The following TNPO1 variants were observed in gnomAD, a reference collection of about 807,000 sequenced individuals.
TNPO1 encodes the protein transportin-1.
TNPO1 carries 8 observed loss-of-function variants against 119.5 expected under a neutral mutation model. That is an observed-to-expected ratio of 0.07 (90% confidence interval 0.04 to 0.12). The LOEUF is 0.12. TNPO1 is among the 10% of genes least tolerant of loss of function. The pLI, the probability that TNPO1 is intolerant of heterozygous loss-of-function variation, is 1.00. For missense variants in TNPO1, 576 were observed against 1,089.8 expected (o/e 0.53, Z 6.64); for synonymous variants, 362 against 363.0 (o/e 1.00, Z 0.03).
chr5:72,909,015 C>A lies in TNPO1; in HGVS notation c.*342C>A. 2.8e-6 allele frequency: 1 copy of A among 355,232 alleles called. No individual in the cohort carries two copies. The highest frequency in any genetic ancestry group is 5.7e-6 in the Non-Finnish European group (1 of 176,376). 22.0% of individuals were successfully genotyped at this position (355,232 alleles called of 1,614,324 possible). On this transcript the variant is annotated 3_prime_UTR_variant, in exon 25 of 25. Coordinates refer to ENST00000337273, the MANE Select transcript of TNPO1 (RefSeq NM_002270.4). ...TGTGGAATATTATGGGGAATTGTAC[C>A]AAAACAAGAACCATATAAATGATGC...
Position 72,877,220 on chromosome 5 carries a change from G to GT in TNPO1, c.802-5dup. On this transcript the variant is annotated splice_polypyrimidine_tract_variant and splice_region_variant and intron_variant, in intron 8 of 24. Coordinates refer to ENST00000337273, the MANE Select transcript of TNPO1 (RefSeq NM_002270.4). The stretch of plus-strand genomic sequence containing the variant: ...AACTGACTAATATTAAGGATATTGT[G>GT]TTTCCAGTACATGCTACAGAGGACT... 6.6e-7 allele frequency: 1 copy of GT among 1,514,126 alleles called. No individual in the cohort carries two copies. The highest frequency in any genetic ancestry group is 9.1e-7 in the Non-Finnish European group (1 of 1,093,434). The allele number at this position is 1,514,126 out of a possible 1,614,324, so 93.8% of individuals were successfully genotyped here. A position where few individuals can be genotyped will look rare whatever the true frequency, so the allele number is the denominator to read the frequency against.
chr5:72,903,912 A>T lies in TNPO1; in HGVS notation c.2589+129A>T, dbSNP rs2287938. On this transcript the variant is annotated intron_variant, in intron 23 of 24. Coordinates refer to ENST00000337273, the MANE Select transcript of TNPO1 (RefSeq NM_002270.4). ...TCAGTATTGATAGTTTACATATATA[A>T]CCTTTATTCTTGGTAACAAAGTTGG... 5.5e-4 allele frequency: 311 copies of T among 562,472 alleles called. 2 individuals are homozygous for T. In the East Asian group the frequency reaches 6.7e-3, roughly 12 times the overall value. The allele number at this position is 562,472 out of a possible 1,614,324, so 34.8% of individuals were successfully genotyped here.
chr5:72,901,487 A>G (rs1448537138), intron 22 of TNPO1, among the ~76,000 whole-genome samples: 2 of 152,218 alleles, frequency 1.3e-5, no homozygotes, highest in Non-Finnish European at 2.9e-5. Context: ...CAGATTTAGA[A>G]ATAATGAATA....
intron 23 of TNPO1, among the ~76,000 whole-genome samples, chr5:72,904,329 A>C (rs191964760): frequency 6.6e-6 from 1 of 152,334 alleles, no homozygotes; most frequent in Non-Finnish European, 1.5e-5. Flanking sequence ...TATTGCTTGG[A>C]TGACTTCTCT....
In TNPO1 at chr5:72,912,581, A is replaced by G. The variant is rs1192015882; in HGVS notation, c.*3908A>G. ...TCCATTTAGTCTGATTTTTTTCCTA[A>G]TATTCTAGCAGGCTGGGGTGGTATA... On this transcript the variant is annotated 3_prime_UTR_variant, in exon 25 of 25. Transcript: ENST00000337273. 6.6e-6 allele frequency: 1 copy of G among 152,308 alleles called. No homozygotes were observed. The highest frequency in any genetic ancestry group is 1.5e-5 in the Non-Finnish European group (1 of 67,878). The allele number at this position is 152,308 out of a possible 1,614,324, so 9.4% of individuals were successfully genotyped here.
At chr5:72,883,039 A>G in intron 10 of TNPO1, 25 bp from the exon 11 acceptor site, 1 of 1,592,826 alleles carries the variant, frequency 6.3e-7, no homozygotes, top group Non-Finnish European at 8.6e-7. Context: ...AATGCCACCA[A>G]AAATTTCTCT....
At chr5:72,886,304 G>C (rs898372228) in intron 11 of TNPO1, among the ~76,000 whole-genome samples, 1 of 152,118 alleles carries the variant, frequency 6.6e-6, no homozygotes, top group African/African-American at 2.4e-5. Flanking sequence ...TTTTCTTCCA[G>C]TTTTTGTGTC....
In TNPO1 at chr5:72,888,216, C is replaced by A; in HGVS notation, c.1442C>A (p.Pro481Gln). ...TATGCACACTGGGTGGTCAGCCAGCCGCCAGACACGTACCTGAAGCCATTA... is the reference window on the plus strand; with the variant it reads ...TATGCACACTGGGTGGTCAGCCAGCAGCCAGACACGTACCTGAAGCCATTA... The part of the protein sequence containing the change: ...SRYAHWVVSQ[P>Q]PDTYLKPLMT... The change falls in exon 13 of 25, where the codon CCG becomes CAG. Residue 481 changes from proline (P) to glutamine (Q), a missense_variant. Physicochemically the swap from Pro to Gln is moderately conservative, Grantham distance 76. Coordinates refer to ENST00000337273, the MANE Select transcript of TNPO1 (RefSeq NM_002270.4). The A allele has an allele frequency of 6.2e-7, 1 of 1,614,118 alleles. No homozygotes were observed. The highest frequency in any genetic ancestry group is 8.5e-7 in the Non-Finnish European group (1 of 1,180,034).
chr5:72,823,729 T>C (rs1220691666), intron 1 of TNPO1, among the ~76,000 whole-genome samples: 1 of 152,234 alleles, frequency 6.6e-6, no homozygotes, highest in Non-Finnish European at 1.5e-5. Flanking sequence ...ACCAGAGCTC[T>C]AGTTAAAACA....
rs1288471673 is a variant in TNPO1, at chr5:72,889,774, T to C, written c.1530-12T>C. 1.3e-6 allele frequency: 2 copies of C among 1,564,024 alleles called. No individual in the cohort carries two copies. The highest frequency in any genetic ancestry group is 4.5e-5 in the East Asian group (2 of 44,450). On this transcript the variant is annotated splice_polypyrimidine_tract_variant and intron_variant, in intron 13 of 24. Coordinates refer to ENST00000337273, the MANE Select transcript of TNPO1 (RefSeq NM_002270.4). ...CAGTCAATAAGTATTCTTTTTTTTT[T>C]TTTTTAAACAGTGCCTTTGCTACCC... is the stretch of plus-strand genomic sequence containing the variant.
In TNPO1 at chr5:72,905,631, A is replaced by T. The variant is rs534823170; in HGVS notation, c.*35+186A>T. Reference sequence around the variant, plus strand: ...TTAAGTGGGCCAGGTGTGGTGGCTCATGTCTGTAATCCCAGCACTTGGGGA... The same window carrying T: ...TTAAGTGGGCCAGGTGTGGTGGCTCTTGTCTGTAATCCCAGCACTTGGGGA... On this transcript the variant is annotated intron_variant, in intron 24 of 24. Transcript: ENST00000337273. The T allele has an allele frequency of 1.8e-4, 57 of 311,858 alleles. 1 individual carries two copies. In the South Asian group the frequency reaches 3.9e-3, roughly 21 times the overall value. 19.3% of individuals were successfully genotyped at this position (311,858 alleles called of 1,614,324 possible).
chr5:72,895,272 T>C (rs966259471), intron 18 of TNPO1, among the ~76,000 whole-genome samples: 4 of 152,224 alleles, frequency 2.6e-5, no homozygotes, highest in African/African-American at 7.2e-5. Context: ...GACTGAGGTT[T>C]AATGAGATTT....
chr5:72,863,437 A>C (rs964761969), intron 5 of TNPO1, among the ~76,000 whole-genome samples: 1 of 152,012 alleles, frequency 6.6e-6, no homozygotes, highest in Non-Finnish European at 1.5e-5. Flanking sequence ...TATTAGAAGA[A>C]ATTGGCCAGG....
intron 18 of TNPO1, among the ~76,000 whole-genome samples, chr5:72,895,157 TA>T (rs897854442): frequency 3.7e-4 from 57 of 152,356 alleles, no homozygotes; most frequent in African/African-American, 1.3e-3. Context: ...CCATGTTTTT[TA>T]TTCTAAAGAG....
intron 1 of TNPO1, among the ~76,000 whole-genome samples, chr5:72,820,592 G>C (rs886380752): frequency 1.1e-4 from 16 of 152,238 alleles, no homozygotes; most frequent in Non-Finnish European, 8.8e-5. Flanking sequence ...TTACTGATGA[G>C]AAAACAAAGT....
intron 2 of TNPO1, among the ~76,000 whole-genome samples, chr5:72,849,954 T>G (rs1042714136): frequency 2.6e-5 from 4 of 152,188 alleles, no homozygotes; most frequent in Non-Finnish European, 5.9e-5. Context: ...TAGTCTACAT[T>G]TATTAGGTAC....
intron 8 of TNPO1, among the ~76,000 whole-genome samples, chr5:72,876,971 T>G (rs1747836905): frequency 6.6e-6 from 1 of 151,758 alleles, no homozygotes; most frequent in Non-Finnish European, 1.5e-5. Flanking sequence ...GGCAGGCGCC[T>G]GTAGTCCCAT....
At position 72,911,472 on chromosome 5, in the gene TNPO1, G is replaced by C. The variant is rs538289964; in HGVS notation, c.*2799G>C. The C allele has an allele frequency of 1.2e-4, 19 of 152,488 alleles. No individual in the cohort carries two copies. Among genetic ancestry groups the C allele is most frequent in the Non-Finnish European group, 1.3e-4 (9 of 67,952 alleles). 9.4% of individuals were successfully genotyped at this position (152,488 alleles called of 1,614,324 possible). ...CTAATTTATATTTCAGATACATAGT[G>C]TAGAACAGGAATTTGCAGAAGCCAT... On this transcript the variant is annotated 3_prime_UTR_variant, in exon 25 of 25. Transcript: ENST00000337273.
chr5:72,826,482 C>T (rs533315210), intron 1 of TNPO1, among the ~76,000 whole-genome samples: 13 of 152,244 alleles, frequency 8.5e-5, no homozygotes, highest in African/African-American at 2.9e-4. Context: ...TGTCCTCCTC[C>T]TCCTGCAAGA....
Sources: gnomAD v4.1 joint callset for allele counts (sites outside exome capture counted in the v4.1 genomes callset) on GRCh38, gnomAD v4.1.1 for gene constraint, MANE v1.5 for transcripts, NCBI Gene and HGNC (gene_info 2026-07-23, HGNC 2026-07-21) for gene names.